PDE4D: variants seen among roughly 807,000 people sequenced by gnomAD.
PDE4D encodes the protein phosphodiesterase 4D, also known as 3',5'-cyclic-AMP phosphodiesterase 4D.
In PDE4D, 24 loss-of-function variants were observed where a neutral mutation model predicts 87.4. That is an observed-to-expected ratio of 0.27 (90% CI 0.20 to 0.39). The LOEUF (loss-of-function observed/expected upper bound fraction) is 0.39, where lower values mean the gene tolerates loss of function less well. Ranked by LOEUF, PDE4D falls within the 10% of genes least tolerant of loss-of-function variation. PDE4D has a pLI of 1.00. For synonymous variants in PDE4D, 384 were observed against 383.2 expected (o/e 1.00, Z -0.02); for missense variants, 714 against 1,041.0 (o/e 0.69, Z 4.32).
intron 1 of PDE4D, among the ~76,000 whole-genome samples, chr5:59,685,999 T>C (rs879568966): frequency 3.9e-5 from 6 of 152,072 alleles, no homozygotes; most frequent in Non-Finnish European, 1.5e-5. Context: ...AGACACATAG[T>C]GAAAAACACA....
chr5:59,488,532 A>G (rs1805577140), intron 1 of PDE4D, among the ~76,000 whole-genome samples: 1 of 152,172 alleles, frequency 6.6e-6, no homozygotes, highest in African/African-American at 2.4e-5. Context: ...GGCAATGGTG[A>G]TATCAGTGTG....
At chr5:60,267,595 A>C (rs770113169) in intron 1 of PDE4D, among the ~76,000 whole-genome samples, 1 of 152,138 alleles carries the variant, frequency 6.6e-6, no homozygotes, top group Non-Finnish European at 1.5e-5. Flanking sequence ...CTAGGATTCA[A>C]TATTACATCT....
intron 1 of PDE4D, among the ~76,000 whole-genome samples, chr5:59,867,814 G>A (rs1747260921): frequency 6.6e-6 from 1 of 152,076 alleles, no homozygotes; most frequent in Non-Finnish European, 1.5e-5. Context: ...CATTAGGGAA[G>A]ATAAGCAGGA....
intron 3 of PDE4D, among the ~76,000 whole-genome samples, chr5:59,961,327 G>A (rs1184083807): frequency 6.6e-6 from 1 of 150,658 alleles, no homozygotes; most frequent in East Asian, 1.9e-4. Context: ...GGCCACGAGA[G>A]GACACAGGCA....
intron 1 of PDE4D, among the ~76,000 whole-genome samples, chr5:59,710,818 T>C (rs1314357708): frequency 1.3e-5 from 2 of 152,190 alleles, no homozygotes; most frequent in African/African-American, 4.8e-5. Flanking sequence ...TTATAAAGAA[T>C]AGGGTTAACC....
chr5:60,271,950 T>G (rs576025533), intron 1 of PDE4D, among the ~76,000 whole-genome samples: 4 of 152,058 alleles, frequency 2.6e-5, no homozygotes, highest in African/African-American at 9.6e-5. Flanking sequence ...ACGGAGGAGA[T>G]GAGGAAGAAG....
intron 1 of PDE4D, among the ~76,000 whole-genome samples, chr5:59,381,611 A>G (rs1785881220): frequency 6.6e-6 from 1 of 152,122 alleles, no homozygotes; most frequent in Non-Finnish European, 1.5e-5. Context: ...GTGCACAATA[A>G]TAAAGCCGTG....
intron 3 of PDE4D, among the ~76,000 whole-genome samples, chr5:59,956,526 G>GC (rs1710058036): frequency 6.6e-6 from 1 of 152,262 alleles, no homozygotes; most frequent in South Asian, 2.1e-4. Flanking sequence ...AAAGCAGCAG[G>GC]CCCCTGTGTG....
Position 59,130,902 on chromosome 5 carries a change from T to C in PDE4D, c.808+49693A>G, listed in dbSNP as rs76965973. 3.0e-3 allele frequency among the ~76,000 whole-genome samples: 463 copies of C among 152,314 alleles called. 8 individuals are homozygous for C. In the East Asian group the frequency reaches 0.055, roughly 18 times the overall value. Reference sequence around the variant, plus strand: ...AATCATATTTAAATACTCCAGACTATTGAGTAAAGTTAAATGCAAATTTGG... The same window carrying C: ...AATCATATTTAAATACTCCAGACTACTGAGTAAAGTTAAATGCAAATTTGG... On this transcript the variant is annotated intron_variant, in intron 5 of 14. Transcript: ENST00000340635.
intron 6 of PDE4D, among the ~76,000 whole-genome samples, chr5:59,030,282 TC>T (rs1757108697): frequency 6.6e-6 from 1 of 151,864 alleles, no homozygotes; most frequent in Non-Finnish European, 1.5e-5. Context: ...AAACCATACA[TC>T]TGATAAGAGG....
intron 1 of PDE4D, among the ~76,000 whole-genome samples, chr5:59,552,298 T>C (rs1344585299): frequency 1.3e-5 from 2 of 152,242 alleles, no homozygotes; most frequent in African/African-American, 2.4e-5. Flanking sequence ...CTTTCTTATA[T>C]GTAATTTTGT....
At chr5:59,133,828 G>T (rs1356653213) in intron 5 of PDE4D, among the ~76,000 whole-genome samples, 1 of 152,078 alleles carries the variant, frequency 6.6e-6, no homozygotes. Context: ...TATTCCCCAG[G>T]GACTCTGGGA....
At chr5:60,322,855 A>G (rs548110645) in intron 1 of PDE4D, among the ~76,000 whole-genome samples, 1 of 152,296 alleles carries the variant, frequency 6.6e-6, no homozygotes, top group African/African-American at 2.4e-5. Context: ...CTTTTTCCTC[A>G]TAAAATAGCT....
intron 3 of PDE4D, among the ~76,000 whole-genome samples, chr5:59,980,587 A>T (rs1033150782): frequency 6.6e-6 from 1 of 152,122 alleles, no homozygotes; most frequent in African/African-American, 2.4e-5. Flanking sequence ...CTAAAGGTAA[A>T]CCTTCCCCTG....
chr5:59,388,248 G>GA (rs1447389564), intron 1 of PDE4D, among the ~76,000 whole-genome samples: 1 of 151,808 alleles, frequency 6.6e-6, no homozygotes, highest in Non-Finnish European at 1.5e-5. Flanking sequence ...ACAGGTATAT[G>GA]AAAAAAATGT....
chr5:60,314,017 G>C (rs1002593008), intron 1 of PDE4D, among the ~76,000 whole-genome samples: 2 of 152,104 alleles, frequency 1.3e-5, no homozygotes, highest in African/African-American at 4.8e-5. Context: ...CATTCCCCTT[G>C]AGAGCCAGCA....
intron 1 of PDE4D, among the ~76,000 whole-genome samples, chr5:60,519,385 G>A (rs1191263673): frequency 1.3e-5 from 2 of 152,194 alleles, no homozygotes; most frequent in Non-Finnish European, 2.9e-5. Context: ...TTAAAACACA[G>A]TATGCAGTCT....
chr5:59,001,841 A>ATT (rs1750598836), intron 6 of PDE4D, among the ~76,000 whole-genome samples: 1 of 152,168 alleles, frequency 6.6e-6, no homozygotes, highest in Non-Finnish European at 1.5e-5. Flanking sequence ...GTGAGCCTAT[A>ATT]TTTCTTCCAG....
At chr5:59,606,665 T>A (rs1324208102) in intron 1 of PDE4D, among the ~76,000 whole-genome samples, 2 of 151,792 alleles carry the variant, frequency 1.3e-5, no homozygotes, top group African/African-American at 4.8e-5. Flanking sequence ...ATGGAAAGAG[T>A]AGATGGAGTA....
Sources: gnomAD v4.1 joint callset for allele counts (sites outside exome capture counted in the v4.1 genomes callset) on GRCh38, gnomAD v4.1.1 for gene constraint, MANE v1.5 for transcripts, NCBI Gene and HGNC (gene_info 2026-07-23, HGNC 2026-07-21) for gene names.